CNTLN: variants seen among roughly 807,000 people sequenced by gnomAD.
The protein encoded by CNTLN is centlein, also known as centlein, centrosomal protein.
CNTLN carries 212 observed loss-of-function variants against 180.0 expected under a neutral mutation model. The ratio of observed to expected loss-of-function variants is 1.18; its 90% CI spans 1.05 to 1.32. The LOEUF (loss-of-function observed/expected upper bound fraction) is 1.32. CNTLN is among the 40% of genes most tolerant of loss of function. CNTLN has a pLI of 0.00. For missense variants in CNTLN, 2,095 were observed against 1,610.9 expected (o/e 1.30, Z -5.14); for synonymous variants, 722 against 563.1 (o/e 1.28, Z -3.99).
intron 2 of CNTLN, among the ~76,000 whole-genome samples, chr9:17,212,210 T>C (rs1339017132): frequency 6.6e-6 from 1 of 152,218 alleles, no homozygotes; most frequent in Admixed American, 6.5e-5. Context: ...ATAGCTCTTA[T>C]TATTTTGAGA....
rs551381443 is a variant in CNTLN, at chr9:17,324,329, A to G, written c.1342-6303A>G. ...TAACCAGATTTGCAAATTCTGGCAG[A>G]ATGTGAGGCTTATAACATATTTTGG... On this transcript the variant is annotated intron_variant, in intron 8 of 25. Transcript: ENST00000380647. 2.6e-5 allele frequency among the ~76,000 whole-genome samples: 4 copies of G among 152,296 alleles called. No homozygotes were observed. The East Asian group carries it at 7.7e-4, about 29-fold the overall frequency.
chr9:17,162,512 C>T (rs1819755620), intron 2 of CNTLN, among the ~76,000 whole-genome samples: 1 of 152,184 alleles, frequency 6.6e-6, no homozygotes, highest in Non-Finnish European at 1.5e-5. Flanking sequence ...TTACACACTA[C>T]CTTCACTAGA....
chr9:17,262,883 G>A (rs534797055), intron 5 of CNTLN, among the ~76,000 whole-genome samples: 1 of 151,260 alleles, frequency 6.6e-6, no homozygotes, highest in South Asian at 2.1e-4. Context: ...GGTGTGTTCC[G>A]TCAATACCTA....
Position 17,502,572 on chromosome 9 carries a change from C to T in CNTLN, c.4141C>T (p.Leu1381=), listed in dbSNP as rs1373604685. 2.1e-6 allele frequency: 3 copies of T among 1,398,148 alleles called. No homozygotes were observed. The highest frequency in any genetic ancestry group is 4.9e-5 in the East Asian group (2 of 41,034). 86.6% of individuals were successfully genotyped at this position (1,398,148 alleles called of 1,614,324 possible). A position where few individuals can be genotyped will look rare whatever the true frequency, so the allele number is the denominator to read the frequency against. ...EGQLPFASYL[L]EAVLEKINEK... ...ACAGCTTCCTTTTGCCTCATATTTA[C>T]TAGAAGCAGTACTGGAAAAAATAAA... Residue 1381 remains leucine (L), a synonymous_variant, in exon 26 of 26, where the codon CTA becomes TTA. Coordinates refer to ENST00000380647, the MANE Select transcript of CNTLN (RefSeq NM_017738.4).
chr9:17,400,315 C>G (rs893006029), intron 15 of CNTLN, among the ~76,000 whole-genome samples: 51 of 151,964 alleles, frequency 3.4e-4, no homozygotes, highest in Non-Finnish European at 6.9e-4. Context: ...TTTTTTGTAT[C>G]TTTACTAGAG....
chr9:17,202,365 C>G (rs552064781), intron 2 of CNTLN, among the ~76,000 whole-genome samples: 30 of 152,254 alleles, frequency 2.0e-4, no homozygotes, highest in African/African-American at 4.1e-4. Context: ...TGGTCCAGAG[C>G]TGAGTTCAAG....
intron 23 of CNTLN, among the ~76,000 whole-genome samples, chr9:17,484,011 T>C (rs1411821073): frequency 1.3e-5 from 2 of 152,148 alleles, no homozygotes; most frequent in African/African-American, 4.8e-5. Flanking sequence ...AAAAATAGCC[T>C]GCCTGCTGTA....
At chr9:17,361,558 A>ACTCAAAGGAATT (rs1157495237) in intron 12 of CNTLN, among the ~76,000 whole-genome samples, 3 of 152,208 alleles carry the variant, frequency 2.0e-5, no homozygotes, top group African/African-American at 7.2e-5. Flanking sequence ...TTAGCCACAT[A>ACTCAAAGGAATT]CTCAAAGGAA....
chr9:17,229,981 A>G (rs1002092583), intron 3 of CNTLN, among the ~76,000 whole-genome samples: 6 of 152,182 alleles, frequency 3.9e-5, no homozygotes, highest in Admixed American at 3.9e-4. Flanking sequence ...CCTTAGACAA[A>G]TTAAATTCAA....
chr9:17,429,246 T>C (rs1033420247), intron 18 of CNTLN, among the ~76,000 whole-genome samples: 1 of 152,052 alleles, frequency 6.6e-6, no homozygotes, highest in Non-Finnish European at 1.5e-5. Context: ...ACAATGCTAA[T>C]ATATAAGACT....
chr9:17,298,641 G>T (rs1587564424), intron 7 of CNTLN: 2 of 1,040,240 alleles, frequency 1.9e-6, no homozygotes, highest in Admixed American at 5.6e-5. Context: ...CATACTAGGA[G>T]TATAGTCTCA....
intron 5 of CNTLN, among the ~76,000 whole-genome samples, chr9:17,273,225 C>G (rs1377781375): frequency 1.3e-5 from 2 of 152,062 alleles, no homozygotes; most frequent in African/African-American, 4.8e-5. Flanking sequence ...CTTTCAAGAA[C>G]TTTAGGTAAA....
At chr9:17,349,129 T>C (rs565938020) in intron 12 of CNTLN, among the ~76,000 whole-genome samples, 19 of 152,328 alleles carry the variant, frequency 1.2e-4, no homozygotes, top group Admixed American at 1.2e-3. Flanking sequence ...CCACTACTCC[T>C]GAGCTCCCTA....
At chr9:17,396,789 G>A (rs1826558414) in intron 15 of CNTLN, among the ~76,000 whole-genome samples, 1 of 152,136 alleles carries the variant, frequency 6.6e-6, no homozygotes, top group Non-Finnish European at 1.5e-5. Flanking sequence ...GTGCAGACAA[G>A]TTTGAGAAAC....
chr9:17,252,870 G>A (rs1006861305), intron 5 of CNTLN, among the ~76,000 whole-genome samples: 3 of 145,142 alleles, frequency 2.1e-5, no homozygotes, highest in African/African-American at 8.1e-5. Flanking sequence ...TTTTCTCTAT[G>A]TTTTCTTCTA....
intron 5 of CNTLN, among the ~76,000 whole-genome samples, chr9:17,241,961 G>A (rs1317481682): frequency 5.3e-5 from 8 of 152,056 alleles, no homozygotes; most frequent in African/African-American, 1.9e-4. Flanking sequence ...GACTCTTCAG[G>A]TTTTTCCAAA....
chr9:17,353,372 A>G (rs1228673554), intron 12 of CNTLN, among the ~76,000 whole-genome samples: 1 of 149,620 alleles, frequency 6.7e-6, no homozygotes, highest in East Asian at 2.0e-4. Flanking sequence ...CATCCTCACC[A>G]ATACTTGTTA....
At chr9:17,435,790 C>T (rs190581264) in intron 18 of CNTLN, among the ~76,000 whole-genome samples, 185 of 152,050 alleles carry the variant, frequency 1.2e-3, no homozygotes, top group African/African-American at 4.2e-3. Flanking sequence ...CTGAAACACC[C>T]GACCTCAGGT....
intron 10 of CNTLN, among the ~76,000 whole-genome samples, chr9:17,339,927 G>C (rs1003657891): frequency 2.6e-5 from 4 of 152,138 alleles, no homozygotes; most frequent in Non-Finnish European, 4.4e-5. Flanking sequence ...GCTGAGGCAG[G>C]AGGATCATTT....
Sources: allele counts gnomAD v4.1 joint callset (sites outside exome capture counted in the v4.1 genomes callset), GRCh38; gene constraint gnomAD v4.1.1; transcripts MANE v1.5; gene names NCBI Gene and HGNC (gene_info 2026-07-23, HGNC 2026-07-21).